The following KCNIP4 variants were observed in gnomAD, a reference collection of about 807,000 sequenced individuals.
KCNIP4 encodes the protein potassium voltage-gated channel interacting protein 4, also known as Kv channel-interacting protein 4.
Under a neutral mutation model 34.0 loss-of-function variants are expected in KCNIP4, and 12 were observed. The ratio of observed to expected loss-of-function variants is 0.35; its 90% CI spans 0.23 to 0.57. The LOEUF is 0.57. KCNIP4 is among the 20% of genes least tolerant of loss of function. The pLI, the probability that KCNIP4 is intolerant of heterozygous loss-of-function variation, is 0.83. For missense variants in KCNIP4, 238 were observed against 311.7 expected, an observed-to-expected ratio of 0.76 and a Z score of 1.78; for synonymous variants, 124 against 102.2, an observed-to-expected ratio of 1.21 and a Z score of -1.29.
intron 1 of KCNIP4, among the ~76,000 whole-genome samples, chr4:21,534,022 T>C (rs930841234): frequency 3.9e-5 from 6 of 152,206 alleles, no homozygotes; most frequent in Non-Finnish European, 7.3e-5. Context: ...TAGACTACTG[T>C]ATTTGAATTA....
At chr4:21,228,192 G>A (rs938369796) in intron 1 of KCNIP4, among the ~76,000 whole-genome samples, 8 of 152,100 alleles carry the variant, frequency 5.3e-5, no homozygotes, top group Non-Finnish European at 1.0e-4. Flanking sequence ...GGCCTAGTGG[G>A]AGGTCATTGA....
intron 2 of KCNIP4, among the ~76,000 whole-genome samples, chr4:20,851,435 G>C (rs548402059): frequency 6.6e-6 from 1 of 152,106 alleles, no homozygotes; most frequent in Non-Finnish European, 1.5e-5. Context: ...GTCTATCATT[G>C]GTGGGCGGTT....
At chr4:21,364,339 T>C (rs1358292013) in intron 1 of KCNIP4, among the ~76,000 whole-genome samples, 4 of 152,166 alleles carry the variant, frequency 2.6e-5, no homozygotes, top group African/African-American at 9.7e-5. Context: ...TAAAACTGAA[T>C]GGCATGGTTT....
At chr4:21,399,370 C>T (rs1560367830) in intron 1 of KCNIP4, among the ~76,000 whole-genome samples, 1 of 152,228 alleles carries the variant, frequency 6.6e-6, no homozygotes, top group African/African-American at 2.4e-5. Flanking sequence ...CAGGCATTGT[C>T]TGCAACCACC....
At chr4:21,289,902 A>C (rs180722096) in intron 1 of KCNIP4, among the ~76,000 whole-genome samples, 199 of 152,276 alleles carry the variant, frequency 1.3e-3, no homozygotes, top group African/African-American at 4.4e-3. Context: ...CCCACATGTC[A>C]CATACACATT....
rs1181305904 is a variant in KCNIP4 at position 21,360,348 on chromosome 4, T to C, written c.62-477639A>G. 6.6e-5 allele frequency among the ~76,000 whole-genome samples: 10 copies of C among 152,212 alleles called. No individual in the cohort carries two copies. In the East Asian group the frequency reaches 1.7e-3, roughly 26 times the overall value. ...TAAATTTTGTTTGTATCTTACCTAA[T>C]TCCAAACCAACAGCGACAAAAAACA... On this transcript the variant is annotated intron_variant, in intron 1 of 8. Coordinates refer to ENST00000382152, the MANE Select transcript of KCNIP4 (RefSeq NM_025221.6).
chr4:21,291,466 C>T (rs190589494), intron 1 of KCNIP4, among the ~76,000 whole-genome samples: 2 of 152,226 alleles, frequency 1.3e-5, no homozygotes, highest in Non-Finnish European at 2.9e-5. Context: ...AGGTCTATGA[C>T]AACTAGGTAT....
At chr4:21,301,242 A>T (rs1445444288) in intron 1 of KCNIP4, among the ~76,000 whole-genome samples, 9 of 152,202 alleles carry the variant, frequency 5.9e-5, no homozygotes, top group Admixed American at 5.9e-4. Flanking sequence ...ATTTTGAAGT[A>T]CATGTATTCT....
chr4:21,389,361 G>C (rs1722327184), intron 1 of KCNIP4, among the ~76,000 whole-genome samples: 1 of 151,524 alleles, frequency 6.6e-6, no homozygotes, highest in Non-Finnish European at 1.5e-5. Context: ...GTGCAGGTTT[G>C]TTACATATGT....
intron 2 of KCNIP4, 100 bp from the exon 3 acceptor site, chr4:20,850,767 TG>T: frequency 1.4e-6 from 2 of 1,388,200 alleles, no homozygotes; most frequent in South Asian, 2.9e-5. Flanking sequence ...TGCTAATGTC[TG>T]TGACTGTCCA....
At chr4:21,368,421 A>T (rs1386174452) in intron 1 of KCNIP4, among the ~76,000 whole-genome samples, 1 of 147,430 alleles carries the variant, frequency 6.8e-6, no homozygotes, top group Non-Finnish European at 1.5e-5. Flanking sequence ...TCCCCCCAAA[A>T]TAGCTAAAAT....
At chr4:21,110,576 G>T (rs930867745) in intron 1 of KCNIP4, among the ~76,000 whole-genome samples, 6 of 152,264 alleles carry the variant, frequency 3.9e-5, no homozygotes, top group African/African-American at 1.4e-4. Context: ...TTTCATTTGT[G>T]CTATAAATGG....
chr4:20,763,761 A>G (rs1300286451), intron 3 of KCNIP4, among the ~76,000 whole-genome samples: 5 of 152,106 alleles, frequency 3.3e-5, no homozygotes, highest in Admixed American at 3.3e-4. Context: ...GGATCTCACT[A>G]TGTTGCCCAG....
At chr4:20,960,914 A>G (rs1733786359) in intron 1 of KCNIP4, among the ~76,000 whole-genome samples, 1 of 152,200 alleles carries the variant, frequency 6.6e-6, no homozygotes, top group Admixed American at 6.5e-5. Context: ...AAGACATTGG[A>G]GACTGATCAT....
At chr4:21,190,089 G>A (rs556034263) in intron 1 of KCNIP4, among the ~76,000 whole-genome samples, 53 of 152,306 alleles carry the variant, frequency 3.5e-4, no homozygotes, top group African/African-American at 1.1e-3. Flanking sequence ...GTTGATGGCC[G>A]TGGCCATTTC....
chr4:21,711,251 A>C lies in KCNIP4; in HGVS notation c.61+237320T>G, dbSNP rs1416464305. On this transcript the variant is annotated intron_variant, in intron 1 of 8. Transcript: ENST00000382152. ...CACTTTGGGAGGCTCAGGTAGGCAG[A>C]TCATGAGGTCAAGAGATTGAGACCA... Among the ~76,000 whole-genome samples the C allele has an allele frequency of 2.0e-5, 3 of 152,340 alleles. No individual in the cohort carries two copies. In the East Asian group the frequency reaches 5.8e-4, roughly 29 times the overall value.
intron 1 of KCNIP4, among the ~76,000 whole-genome samples, chr4:21,105,319 G>T (rs1157996123): frequency 6.6e-6 from 1 of 151,642 alleles, no homozygotes; most frequent in Non-Finnish European, 1.5e-5. Flanking sequence ...CACGTCCCTT[G>T]TAAGTTGGAT....
intron 1 of KCNIP4, among the ~76,000 whole-genome samples, chr4:21,493,003 G>C (rs559806271): frequency 1.8e-3 from 276 of 152,248 alleles, no homozygotes; most frequent in Non-Finnish European, 3.0e-3. Context: ...ATCTGGGCAG[G>C]AGAGGAGCTT....
At chr4:21,213,908 C>T (rs1352939082) in intron 1 of KCNIP4, among the ~76,000 whole-genome samples, 1 of 152,164 alleles carries the variant, frequency 6.6e-6, no homozygotes, top group Non-Finnish European at 1.5e-5. Context: ...ACCTCACATT[C>T]TTCTTTTGCC....
Sources: gnomAD v4.1 joint callset for allele counts (sites outside exome capture counted in the v4.1 genomes callset) on GRCh38, gnomAD v4.1.1 for gene constraint, MANE v1.5 for transcripts, NCBI Gene and HGNC (gene_info 2026-07-23, HGNC 2026-07-21) for gene names.